BTBD10: variants seen among roughly 807,000 people sequenced by gnomAD.
The protein encoded by BTBD10 is BTB/POZ domain-containing protein 10.
BTBD10 carries 21 observed loss-of-function variants against 53.2 expected under a neutral mutation model. The observed-to-expected ratio is 0.39, with a 90% CI of 0.28 to 0.57. BTBD10 has a LOEUF of 0.57. Ranked by LOEUF, BTBD10 falls within the 20% of genes least tolerant of loss-of-function variation. The probability of loss-of-function intolerance (pLI) is 0.53; values close to 1 mark genes in which losing one functional copy is unlikely to be tolerated. For missense variants in BTBD10, 360 were observed against 594.7 expected (o/e 0.61, Z 4.10); for synonymous variants, 149 against 192.7 (o/e 0.77, Z 1.88).
At position 13,393,677 on chromosome 11, in the gene BTBD10, C is replaced by T. The variant is rs370009977; in HGVS notation, c.1118-4536G>A. On this transcript the variant is annotated intron_variant, in intron 8 of 8. Transcript: ENST00000278174. ...AGAACAGAAGAGCCTGGTTAGTTAC[C>T]GTCCTGCCAAAGTCAAGCCCAATAT... Among the ~76,000 whole-genome samples, 20 of 152,094 alleles carry T rather than the reference C, an allele frequency of 1.3e-4. No homozygotes were observed. The East Asian group carries it at 2.1e-3, about 16-fold the overall frequency.
chr11:13,436,108 T>A (rs1004361470), intron 2 of BTBD10, among the ~76,000 whole-genome samples: 1 of 152,174 alleles, frequency 6.6e-6, no homozygotes, highest in African/African-American at 2.4e-5. Flanking sequence ...TTCCTGAATC[T>A]TCATCTACAA....
intron 8 of BTBD10, among the ~76,000 whole-genome samples, chr11:13,393,852 G>C (rs1949467617): frequency 6.6e-6 from 1 of 152,032 alleles, no homozygotes; most frequent in South Asian, 2.1e-4. Context: ...TCAAGACCTG[G>C]CTCTGCTATT....
intron 8 of BTBD10, among the ~76,000 whole-genome samples, chr11:13,389,433 CCT>C (rs1491543519): frequency 1.2e-3 from 76 of 63,666 alleles, no homozygotes; most frequent in African/African-American, 3.1e-3. Context: ...AGCTATGTAT[CCT>C]TTTTTTTTTT....
chr11:13,457,342 T>A (rs1950992643), intron 1 of BTBD10, among the ~76,000 whole-genome samples: 1 of 152,170 alleles, frequency 6.6e-6, no homozygotes, highest in African/African-American at 2.4e-5. Context: ...CACTGTGGCA[T>A]TATTTGTAAT....
intron 8 of BTBD10, among the ~76,000 whole-genome samples, chr11:13,396,604 T>G (rs886837257): frequency 1.3e-5 from 2 of 152,226 alleles, no homozygotes; most frequent in Non-Finnish European, 2.9e-5. Context: ...AGAGAGGGCA[T>G]CCCTTTCTTG....
At chr11:13,445,813 T>C (rs1337785384) in intron 1 of BTBD10, among the ~76,000 whole-genome samples, 5 of 152,172 alleles carry the variant, frequency 3.3e-5, no homozygotes, top group African/African-American at 1.2e-4. Flanking sequence ...ATTTCTACTA[T>C]AGTCAAATGA....
At chr11:13,406,616 A>AGT (rs71041525) in intron 6 of BTBD10, among the ~76,000 whole-genome samples, 167 of 148,222 alleles carry the variant, frequency 1.1e-3, no homozygotes, top group African/African-American at 2.6e-3. Flanking sequence ...AGAGAGAGAC[A>AGT]GTGTGTGTGT....
intron 2 of BTBD10, among the ~76,000 whole-genome samples, chr11:13,440,877 CTTTTCT>C (rs1184668627): frequency 6.6e-6 from 1 of 152,076 alleles, no homozygotes; most frequent in African/African-American, 2.4e-5. Context: ...AGAAAAAGTG[CTTTTCT>C]TTTTCTTTTT....
intron 1 of BTBD10, among the ~76,000 whole-genome samples, chr11:13,460,145 G>C (rs564707478): frequency 2.0e-5 from 3 of 152,260 alleles, no homozygotes; most frequent in Non-Finnish European, 4.4e-5. Flanking sequence ...AGATGACTGA[G>C]CTAAAATGAA....
chr11:13,462,359 A>G (rs1001884220), intron 1 of BTBD10, among the ~76,000 whole-genome samples: 2 of 152,248 alleles, frequency 1.3e-5, no homozygotes, highest in African/African-American at 4.8e-5. Flanking sequence ...CTAAGTGCAC[A>G]AAGCCACAAG....
chr11:13,455,483 T>C (rs1164994159), intron 1 of BTBD10, among the ~76,000 whole-genome samples: 1 of 152,240 alleles, frequency 6.6e-6, no homozygotes, highest in Non-Finnish European at 1.5e-5. Context: ...TTTAAGCATT[T>C]ACAAAGTACC....
chr11:13,461,110 C>G (rs1165357246), intron 1 of BTBD10, among the ~76,000 whole-genome samples: 1 of 152,118 alleles, frequency 6.6e-6, no homozygotes, highest in Non-Finnish European at 1.5e-5. Flanking sequence ...TCCCAAGACC[C>G]CTTAAGTTTG....
At chr11:13,392,618 G>C (rs1418687649) in intron 8 of BTBD10, among the ~76,000 whole-genome samples, 2 of 151,874 alleles carry the variant, frequency 1.3e-5, no homozygotes, top group African/African-American at 4.8e-5. Context: ...TTTGTATGCA[G>C]TTCCAGAAAC....
intron 2 of BTBD10, among the ~76,000 whole-genome samples, chr11:13,434,323 G>C (rs1467017886): frequency 6.6e-6 from 1 of 152,130 alleles, no homozygotes; most frequent in Non-Finnish European, 1.5e-5. Flanking sequence ...AAAAAAGAGT[G>C]CCACCGCTTT....
intron 8 of BTBD10, among the ~76,000 whole-genome samples, chr11:13,396,957 G>C (rs1382743034): frequency 6.6e-6 from 1 of 152,144 alleles, no homozygotes; most frequent in Non-Finnish European, 1.5e-5. Flanking sequence ...ATTTTATTGA[G>C]GAGTTTTGCA....
chr11:13,421,494 G>A, intron 3 of BTBD10, 148 bp downstream of exon 3: 1 of 604,912 alleles, frequency 1.7e-6, no homozygotes, highest in Non-Finnish European at 2.6e-6. Context: ...TTCACACCAA[G>A]AACCAAGCTC....
chr11:13,442,491 C>A (rs1309150404), intron 2 of BTBD10, among the ~76,000 whole-genome samples: 1 of 152,010 alleles, frequency 6.6e-6, no homozygotes, highest in Non-Finnish European at 1.5e-5. Context: ...CACATGGGAA[C>A]AATAATACTA....
chr11:13,395,444 T>C (rs1448130474), intron 8 of BTBD10, among the ~76,000 whole-genome samples: 1 of 152,228 alleles, frequency 6.6e-6, no homozygotes, highest in African/African-American at 2.4e-5. Flanking sequence ...TATTAGCCCT[T>C]TGTCAGATGA....
At chr11:13,402,664 T>C (rs1311591496) in intron 8 of BTBD10, among the ~76,000 whole-genome samples, 2 of 152,212 alleles carry the variant, frequency 1.3e-5, no homozygotes, top group South Asian at 2.1e-4. Context: ...TAAAACTCTG[T>C]GCATTTACAT....
Sources: gnomAD v4.1 joint callset for allele counts (sites outside exome capture counted in the v4.1 genomes callset) on GRCh38, gnomAD v4.1.1 for gene constraint, MANE v1.5 for transcripts, NCBI Gene and HGNC (gene_info 2026-07-23, HGNC 2026-07-21) for gene names.